Variants in ANKRD13C observed in about 807,000 individuals in gnomAD.
ANKRD13C encodes the protein ankyrin repeat domain 13C, also known as ankyrin repeat domain-containing protein 13C.
Under a neutral mutation model 65.5 loss-of-function variants are expected in ANKRD13C, and 16 were observed. The ratio of observed to expected loss-of-function variants is 0.24; its 90% confidence interval spans 0.17 to 0.37. The LOEUF is 0.37. Ranked by LOEUF, ANKRD13C falls within the 10% of genes least tolerant of loss-of-function variation. The probability of loss-of-function intolerance (pLI) is 1.00; values close to 1 mark genes in which losing one functional copy is unlikely to be tolerated. For synonymous variants in ANKRD13C, 235 were observed against 238.7 expected, an observed-to-expected ratio of 0.98 and a Z score of 0.14; for missense variants, 503 against 655.9, an observed-to-expected ratio of 0.77 and a Z score of 2.55.
In ANKRD13C at chr1:70,259,045, T is replaced by C. The variant is rs1678316211; in HGVS notation, c.*3672A>G. Among the ~76,000 whole-genome samples the C allele has an allele frequency of 6.6e-6, 1 of 152,166 alleles. No homozygotes were observed. ...TATTGTATAGTCTAGGTGAGTGGTA[T>C]GCTATACCACCTAGGTTTGTGTAAG... is the stretch of plus-strand genomic sequence containing the variant. On this transcript the variant is annotated 3_prime_UTR_variant, in exon 13 of 13. Coordinates refer to ENST00000370944, the MANE Select transcript of ANKRD13C (RefSeq NM_030816.5).
chr1:70,276,635 G>A lies in ANKRD13C; in HGVS notation c.1295+130C>T, dbSNP rs899220031. On this transcript the variant is annotated intron_variant, in intron 10 of 12. Transcript: ENST00000370944. ...TAATCCATATTTTTAAAAGGTAGAA[G>A]AATTGCTTCAGTCAAAAATATACCA... is the stretch of plus-strand genomic sequence containing the variant. The A allele has an allele frequency of 6.6e-6, 5 of 751,972 alleles. No individual in the cohort carries two copies. In the African/African-American group the frequency reaches 7.2e-5, roughly 11 times the overall value. 46.6% of individuals were successfully genotyped at this position (751,972 alleles called of 1,614,324 possible).
At chr1:70,337,797 G>A (rs1230770675) in intron 1 of ANKRD13C, among the ~76,000 whole-genome samples, 4 of 151,764 alleles carry the variant, frequency 2.6e-5, no homozygotes, top group Non-Finnish European at 4.4e-5. Flanking sequence ...ATGAAAATAT[G>A]CAATGAAGAA....
At chr1:70,281,298 G>A (rs911287160) in intron 9 of ANKRD13C, among the ~76,000 whole-genome samples, 2 of 151,030 alleles carry the variant, frequency 1.3e-5, no homozygotes, top group Non-Finnish European at 2.9e-5. Flanking sequence ...CTTTGTGAAA[G>A]AACCTCTCTT....
At chr1:70,338,035 G>A (rs762114858) in intron 1 of ANKRD13C, among the ~76,000 whole-genome samples, 1 of 152,076 alleles carries the variant, frequency 6.6e-6, no homozygotes, top group African/African-American at 2.4e-5. Context: ...GGAGGCGAAG[G>A]TTGCGGTGAA....
intron 2 of ANKRD13C, among the ~76,000 whole-genome samples, chr1:70,331,922 A>G (rs757191239): frequency 3.9e-5 from 6 of 152,250 alleles, no homozygotes; most frequent in Non-Finnish European, 7.4e-5. Context: ...AATATAAAAA[A>G]TATCAACAGA....
intron 6 of ANKRD13C, among the ~76,000 whole-genome samples, chr1:70,304,483 A>G (rs867593910): frequency 6.6e-6 from 1 of 151,772 alleles, no homozygotes; most frequent in Non-Finnish European, 1.5e-5. Flanking sequence ...TGCAGCCTCA[A>G]CTTCCTGGGG....
intron 7 of ANKRD13C, among the ~76,000 whole-genome samples, chr1:70,298,000 A>C (rs1171478452): frequency 6.6e-6 from 1 of 152,070 alleles, no homozygotes; most frequent in Non-Finnish European, 1.5e-5. Flanking sequence ...CTACCCCTAC[A>C]AGTAAAGAAT....
chr1:70,265,051 T>C (rs928376218), intron 12 of ANKRD13C, among the ~76,000 whole-genome samples: 2 of 151,802 alleles, frequency 1.3e-5, no homozygotes, highest in Non-Finnish European at 1.5e-5. Flanking sequence ...GAGAGGAAGA[T>C]TAGCAGGCGA....
At chr1:70,323,999 T>C (rs1681428523) in intron 3 of ANKRD13C, among the ~76,000 whole-genome samples, 2 of 152,116 alleles carry the variant, frequency 1.3e-5, no homozygotes, top group Non-Finnish European at 2.9e-5. Flanking sequence ...GTGCTGGGAT[T>C]ACAGGCGTGA....
rs568472893 is a variant in ANKRD13C, at chr1:70,281,547, T to TGCATG, written c.1216-4708_1216-4704dup. ...CCTCCTGAGGAGCTGGGACTACAGA[T>TGCATG]GCATGCCACCATGTTCAGCTTGTTT... On this transcript the variant is annotated intron_variant, in intron 9 of 12. Coordinates refer to ENST00000370944, the MANE Select transcript of ANKRD13C (RefSeq NM_030816.5). 6.6e-5 allele frequency among the ~76,000 whole-genome samples: 10 copies of TGCATG among 151,700 alleles called. 1 individual carries two copies. In the South Asian group the frequency reaches 2.1e-3, roughly 32 times the overall value.
At chr1:70,269,537 C>T (rs1192070222) in intron 12 of ANKRD13C, among the ~76,000 whole-genome samples, 3 of 152,108 alleles carry the variant, frequency 2.0e-5, no homozygotes, top group Non-Finnish European at 4.4e-5. Context: ...TTTTAAACTT[C>T]TGCAGAAATG....
intron 1 of ANKRD13C, among the ~76,000 whole-genome samples, chr1:70,338,874 T>C (rs916264744): frequency 6.6e-6 from 1 of 152,196 alleles, no homozygotes. Context: ...CTCTTCCTTC[T>C]TTTCAAAATA....
chr1:70,289,905 A>G (rs763735598), intron 9 of ANKRD13C, among the ~76,000 whole-genome samples: 40 of 152,210 alleles, frequency 2.6e-4, no homozygotes, highest in Non-Finnish European at 5.4e-4. Context: ...CTGGCCAACA[A>G]TGGGAGAAGA....
intron 7 of ANKRD13C, among the ~76,000 whole-genome samples, chr1:70,296,568 G>A (rs1352567583): frequency 6.6e-6 from 1 of 152,120 alleles, no homozygotes; most frequent in Non-Finnish European, 1.5e-5. Context: ...TTATAAAACT[G>A]TATAGTCCAT....
chr1:70,302,564 A>C (rs2101362555), intron 6 of ANKRD13C, among the ~76,000 whole-genome samples: 1 of 136,862 alleles, frequency 7.3e-6, no homozygotes, highest in Middle Eastern at 3.5e-3. Flanking sequence ...GTCTCTACTA[A>C]AAATACAAAA....
intron 5 of ANKRD13C, among the ~76,000 whole-genome samples, chr1:70,309,223 C>G (rs758700956): frequency 4.0e-5 from 6 of 151,532 alleles, no homozygotes; most frequent in Non-Finnish European, 7.4e-5. Flanking sequence ...CAGGCGCCCC[C>G]CTACCATGTC....
At chr1:70,286,015 A>C (rs1183715364) in intron 9 of ANKRD13C, among the ~76,000 whole-genome samples, 3 of 152,158 alleles carry the variant, frequency 2.0e-5, no homozygotes, top group African/African-American at 7.2e-5. Context: ...ACTATTATAT[A>C]TATATAAACT....
chr1:70,265,065 G>A (rs1228769591), intron 12 of ANKRD13C, among the ~76,000 whole-genome samples: 2 of 152,148 alleles, frequency 1.3e-5, no homozygotes, highest in Non-Finnish European at 2.9e-5. Flanking sequence ...CAGGCGATGA[G>A]GTCAGAGGGG....
intron 9 of ANKRD13C, among the ~76,000 whole-genome samples, chr1:70,282,167 G>A (rs1013656916): frequency 6.8e-6 from 1 of 146,750 alleles, no homozygotes; most frequent in Non-Finnish European, 1.5e-5. Flanking sequence ...CCATTCTCCT[G>A]CCTCAGCCTC....
Sources: gnomAD v4.1 joint callset for allele counts (sites outside exome capture counted in the v4.1 genomes callset) on GRCh38, gnomAD v4.1.1 for gene constraint, MANE v1.5 for transcripts, NCBI Gene and HGNC (gene_info 2026-07-23, HGNC 2026-07-21) for gene names.